CPQ: variants seen among roughly 807,000 people sequenced by gnomAD.
The protein encoded by CPQ is Ser-Met dipeptidase.
Under a neutral mutation model 45.7 loss-of-function variants are expected in CPQ, and 37 were observed. The observed-to-expected ratio is 0.81, with a 90% CI of 0.62 to 1.07. The LOEUF is 1.07. Among genes scored for constraint, CPQ ranks in the 50% least tolerant of loss-of-function variants. The pLI is 0.00. For missense variants in CPQ, 537 were observed against 572.9 expected, an observed-to-expected ratio of 0.94 and a Z score of 0.64; for synonymous variants, 186 against 205.8, an observed-to-expected ratio of 0.90 and a Z score of 0.82.
intron 4 of CPQ, among the ~76,000 whole-genome samples, chr8:96,939,073 A>G (rs938765263): frequency 6.6e-6 from 1 of 152,214 alleles, no homozygotes; most frequent in Admixed American, 6.5e-5. Flanking sequence ...TAGTTGGTAT[A>G]TACAACAGAA....
chr8:96,791,035 A>G (rs1366505330), intron 2 of CPQ, among the ~76,000 whole-genome samples: 2 of 152,106 alleles, frequency 1.3e-5, no homozygotes, highest in Non-Finnish European at 2.9e-5. Context: ...ATGCTAATCT[A>G]TGTTAGACAC....
intron 1 of CPQ, among the ~76,000 whole-genome samples, chr8:96,704,379 ATGTT>A (rs970925037): frequency 2.6e-5 from 4 of 152,196 alleles, no homozygotes; most frequent in Non-Finnish European, 5.9e-5. Context: ...TGCTTAATAA[ATGTT>A]CGTTCTTATT....
At position 96,822,390 on chromosome 8, in the gene CPQ, C is replaced by A. The variant is rs1054725801; in HGVS notation, c.434-12583C>A. Among the ~76,000 whole-genome samples the A allele has an allele frequency of 5.9e-5, 9 of 151,900 alleles. No homozygotes were observed. The South Asian group carries it at 8.3e-4, about 14-fold the overall frequency. ...GGAGTGCAGGTATCTCTTTGACATA[C>A]TGATTTCATATTCTTTGGATATGTG... On this transcript the variant is annotated intron_variant, in intron 2 of 7. Coordinates refer to ENST00000220763, the MANE Select transcript of CPQ (RefSeq NM_016134.4).
At position 96,681,850 on chromosome 8, in the gene CPQ, G is replaced by A. The variant is rs138637707; in HGVS notation, c.-35+36448G>A. On this transcript the variant is annotated intron_variant, in intron 1 of 7. Transcript: ENST00000220763. The stretch of plus-strand genomic sequence containing the variant: ...TCAGCATGACCTGGATGTGAGACAT[G>A]GAGTCAAAGGGCACCATTTTGGAAT... Among the ~76,000 whole-genome samples the A allele has an allele frequency of 1.9e-3, 286 of 152,298 alleles. 5 individuals are homozygous for A. The highest frequency in any genetic ancestry group is 0.012 in the Admixed American group (191 of 15,300).
At chr8:96,864,122 G>C (rs1369311251) in intron 3 of CPQ, among the ~76,000 whole-genome samples, 2 of 151,914 alleles carry the variant, frequency 1.3e-5, no homozygotes, top group East Asian at 3.9e-4. Flanking sequence ...TGAGGGAGAG[G>C]GTGGTTTGTG....
chr8:96,797,329 A>T (rs957039070), intron 2 of CPQ, among the ~76,000 whole-genome samples: 3 of 152,170 alleles, frequency 2.0e-5, no homozygotes, highest in African/African-American at 7.2e-5. Flanking sequence ...CCTTGAATGG[A>T]TGTTGAATGC....
chr8:97,075,110 C>G (rs12547253), intron 7 of CPQ, among the ~76,000 whole-genome samples: 17,419 of 151,994 alleles, frequency 0.11, 1,620 homozygotes, highest in African/African-American at 0.25. Context: ...AAAGTAAGAA[C>G]ACTTAAAGGG....
At chr8:96,665,304 A>G (rs1044693982) in intron 1 of CPQ, among the ~76,000 whole-genome samples, 9 of 152,224 alleles carry the variant, frequency 5.9e-5, no homozygotes, top group African/African-American at 2.2e-4. Context: ...TGAGTTACAT[A>G]TGATACTATT....
intron 1 of CPQ, among the ~76,000 whole-genome samples, chr8:96,649,575 A>G (rs1815555056): frequency 6.6e-6 from 1 of 152,180 alleles, no homozygotes; most frequent in Admixed American, 6.5e-5. Context: ...GTGAGTGGAG[A>G]TGCCACTAAT....
chr8:96,812,785 G>A (rs1371589490), intron 2 of CPQ, among the ~76,000 whole-genome samples: 1 of 151,960 alleles, frequency 6.6e-6, no homozygotes, highest in Non-Finnish European at 1.5e-5. Flanking sequence ...AAGAGGCTGG[G>A]TGCAGAAAAT....
intron 4 of CPQ, among the ~76,000 whole-genome samples, chr8:96,885,873 C>T (rs948507378): frequency 6.6e-6 from 1 of 151,850 alleles, no homozygotes; most frequent in Non-Finnish European, 1.5e-5. Context: ...GCGCCTGTAG[C>T]CCCAGCTACT....
chr8:96,849,807 A>T (rs1439238760), intron 3 of CPQ, among the ~76,000 whole-genome samples: 1 of 152,206 alleles, frequency 6.6e-6, no homozygotes, highest in East Asian at 1.9e-4. Context: ...ATTCTTTACA[A>T]GCACTTTCTT....
chr8:96,661,166 T>C (rs2130712254), intron 1 of CPQ, among the ~76,000 whole-genome samples: 1 of 152,318 alleles, frequency 6.6e-6, no homozygotes, highest in South Asian at 2.1e-4. Flanking sequence ...AAAATGAACA[T>C]ATCAAATGTA....
intron 1 of CPQ, among the ~76,000 whole-genome samples, chr8:96,744,304 C>G (rs186187951): frequency 6.6e-6 from 1 of 152,352 alleles, no homozygotes; most frequent in South Asian, 2.1e-4. Flanking sequence ...TTGTGCTTCC[C>G]GAGTGAGGCA....
chr8:96,793,183 T>C (rs1212863047), intron 2 of CPQ, among the ~76,000 whole-genome samples: 2 of 152,192 alleles, frequency 1.3e-5, no homozygotes, highest in Non-Finnish European at 2.9e-5. Context: ...TTGCTTATTA[T>C]AGAAAGCATG....
intron 4 of CPQ, among the ~76,000 whole-genome samples, chr8:96,902,764 T>C (rs1419972033): frequency 5.9e-5 from 9 of 152,158 alleles, no homozygotes; most frequent in Non-Finnish European, 1.3e-4. Context: ...CCCACATGTG[T>C]TGGAAGAAGC....
intron 1 of CPQ, among the ~76,000 whole-genome samples, chr8:96,765,206 T>C (rs1371729571): frequency 1.3e-5 from 2 of 152,316 alleles, no homozygotes; most frequent in East Asian, 3.9e-4. Context: ...GTACAAGTAT[T>C]CCTGGTGGTC....
chr8:96,860,241 T>G (rs1038726116), intron 3 of CPQ, among the ~76,000 whole-genome samples: 3 of 152,148 alleles, frequency 2.0e-5, no homozygotes, highest in Admixed American at 6.6e-5. Context: ...TAACACATTT[T>G]CTAAGACACC....
chr8:96,674,384 G>T (rs544453267), intron 1 of CPQ, among the ~76,000 whole-genome samples: 1 of 152,260 alleles, frequency 6.6e-6, no homozygotes, highest in East Asian at 1.9e-4. Flanking sequence ...GAATAGCATA[G>T]TTTGGTAGTC....
Sources: gnomAD v4.1 joint callset for allele counts (sites outside exome capture counted in the v4.1 genomes callset) on GRCh38, gnomAD v4.1.1 for gene constraint, MANE v1.5 for transcripts, NCBI Gene and HGNC (gene_info 2026-07-23, HGNC 2026-07-21) for gene names.